The following MAGOH variants were observed in gnomAD, a reference collection of about 807,000 sequenced individuals.
MAGOH encodes the protein mago homolog, exon junction complex subunit.
Under a neutral mutation model 20.9 loss-of-function variants are expected in MAGOH, and 3 were observed. The observed-to-expected ratio is 0.14, with a 90% CI of 0.07 to 0.37. The LOEUF (loss-of-function observed/expected upper bound fraction) is 0.37, where lower values mean the gene tolerates loss of function less well. MAGOH is among the 10% of genes least tolerant of loss of function. The pLI, the probability that MAGOH is intolerant of heterozygous loss-of-function variation, is 1.00. For synonymous variants in MAGOH, 51 were observed against 61.0 expected (o/e 0.84, Z 0.76); for missense variants, 66 against 178.1 (o/e 0.37, Z 3.58).
rs766433562 is a variant in MAGOH, at chr1:53,227,192, C to G, written c.342-48G>C. 8.8e-6 allele frequency: 9 copies of G among 1,018,582 alleles called. No individual in the cohort carries two copies. The South Asian group carries it at 1.4e-4, about 16-fold the overall frequency. 63.1% of individuals were successfully genotyped at this position (1,018,582 alleles called of 1,614,324 possible). A position where few individuals can be genotyped will look rare whatever the true frequency, so the allele number is the denominator to read the frequency against. On this transcript the variant is annotated intron_variant, in intron 4 of 4. Coordinates refer to ENST00000371470, the MANE Select transcript of MAGOH (RefSeq NM_002370.4). ...TTTAGGCATTAAAACTTTGACCCAT[C>G]AAGTGTCCCTAAAAAGGAAAAGACT...
chr1:53,229,370 T>C (rs986990004), intron 3 of MAGOH, among the ~76,000 whole-genome samples: 1 of 152,094 alleles, frequency 6.6e-6, no homozygotes, highest in African/African-American at 2.4e-5. Flanking sequence ...GGCTAATTTT[T>C]TTTGTATTTT....
At chr1:53,238,335 C>G in intron 1 of MAGOH, 26 bp downstream of exon 1, 1 of 1,612,950 alleles carries the variant, frequency 6.2e-7, no homozygotes, top group Non-Finnish European at 8.5e-7. Flanking sequence ...GGTCCCCGCT[C>G]CCGGCGGGCG....
At position 53,228,901 on chromosome 1, in the gene MAGOH, A is replaced by G; in HGVS notation, c.312T>C (p.Ile104=). ...ATTGATTGACATCAATAAGGGAACCAATTTTTGATGTTGTAAAAGAAATGT... is the reference window on the plus strand; with the variant it reads ...ATTGATTGACATCAATAAGGGAACCGATTTTTGATGTTGTAAAAGAAATGT... The part of the protein sequence containing the change: ...DEHISFTTSK[I]GSLIDVNQSK... Residue 104 remains isoleucine (I), a synonymous_variant, in exon 4 of 5, where the codon ATT becomes ATC. Transcript: ENST00000371470. 6.2e-7 allele frequency: 1 copy of G among 1,612,938 alleles called. No individual in the cohort carries two copies. The highest frequency in any genetic ancestry group is 8.5e-7 in the Non-Finnish European group (1 of 1,178,948).
In MAGOH at chr1:53,232,569, G is replaced by A. The variant is rs186267792; in HGVS notation, c.258+973C>T. ...GTGACTTTTGAAGACCTCAATAATA[G>A]AGACAGTCTTGTATAAAGTTAAAGG... is the stretch of plus-strand genomic sequence containing the variant. On this transcript the variant is annotated intron_variant, in intron 3 of 4. Transcript: ENST00000371470. Among the ~76,000 whole-genome samples the A allele has an allele frequency of 3.6e-3, 551 of 152,334 alleles. 4 individuals carry two copies. Among genetic ancestry groups the A allele is most frequent in the African/African-American group, 0.013 (530 of 41,586 alleles).
Position 53,226,911 on chromosome 1 carries a change from A to G in MAGOH, c.*134T>C. 1.6e-6 allele frequency: 1 copy of G among 609,788 alleles called. No homozygotes were observed. 37.8% of individuals were successfully genotyped at this position (609,788 alleles called of 1,614,324 possible). On this transcript the variant is annotated 3_prime_UTR_variant, in exon 5 of 5. Transcript: ENST00000371470. ...GAAGAGTTCACATGTTCAGGTCTTT[A>G]TAAAATAATAAAAATTGGATTTTAT...
In MAGOH at chr1:53,237,660, G is replaced by A. The variant is rs192458458; in HGVS notation, c.88+701C>T. Reference sequence around the variant, plus strand: ...TTGCACTCCAGCCTGGGCAAAAAGAGCGAAAGCCGTCTCAAAAAAAAAAAA... The same window carrying A: ...TTGCACTCCAGCCTGGGCAAAAAGAACGAAAGCCGTCTCAAAAAAAAAAAA... On this transcript the variant is annotated intron_variant, in intron 1 of 4. Coordinates refer to ENST00000371470, the MANE Select transcript of MAGOH (RefSeq NM_002370.4). Among the ~76,000 whole-genome samples, 273 of 78,530 alleles carry A rather than the reference G, an allele frequency of 3.5e-3. 3 individuals are homozygous for A. The highest frequency in any genetic ancestry group is 5.7e-3 in the Non-Finnish European group (193 of 33,612). The allele number at this position is 78,530 out of a possible 152,430, so 51.5% of individuals were successfully genotyped here.
At chr1:53,237,196 AC>A (rs1272808984) in intron 1 of MAGOH, among the ~76,000 whole-genome samples, 2 of 149,032 alleles carry the variant, frequency 1.3e-5, no homozygotes, top group African/African-American at 5.0e-5. Context: ...TGATCCGCAT[AC>A]CTCGGCCTCC....
intron 2 of MAGOH, among the ~76,000 whole-genome samples, chr1:53,234,761 CAT>C (rs1396866663): frequency 6.6e-6 from 1 of 152,074 alleles, no homozygotes; most frequent in Non-Finnish European, 1.5e-5. Flanking sequence ...AGGATATTGA[CAT>C]GTGTGAATAA....
intron 3 of MAGOH, chr1:53,233,273 TTA>T: frequency 3.6e-6 from 1 of 274,366 alleles, no homozygotes; most frequent in South Asian, 9.0e-5. Flanking sequence ...CTTTTATTTT[TTA>T]GTTACCAAAA....
rs769561387 is a variant in MAGOH at position 53,227,163 on chromosome 1, A to G, written c.342-19T>C. On this transcript the variant is annotated intron_variant, in intron 4 of 4. Coordinates refer to ENST00000371470, the MANE Select transcript of MAGOH (RefSeq NM_002370.4). ...TGGATCCCTAAAATACAAAAGGAAAAAAGTTTAGGCATTAAAACTTTGACC... is the reference window on the plus strand; with the variant it reads ...TGGATCCCTAAAATACAAAAGGAAAGAAGTTTAGGCATTAAAACTTTGACC... The G allele has an allele frequency of 6.8e-7, 1 of 1,474,918 alleles. No homozygotes were observed. Among genetic ancestry groups the G allele is most frequent in the Non-Finnish European group, 9.3e-7 (1 of 1,077,712 alleles). The allele number at this position is 1,474,918 out of a possible 1,614,324, so 91.4% of individuals were successfully genotyped here.
chr1:53,235,442 C>A, intron 2 of MAGOH, 135 bp downstream of exon 2: 13 of 708,608 alleles, frequency 1.8e-5, no homozygotes, highest in South Asian at 3.8e-5. Flanking sequence ...GGAAATAATC[C>A]AGAAGCTGTC....
chr1:53,231,627 A>G (rs1354347348), intron 3 of MAGOH, among the ~76,000 whole-genome samples: 1 of 152,092 alleles, frequency 6.6e-6, no homozygotes, highest in Non-Finnish European at 1.5e-5. Flanking sequence ...CCATATATTC[A>G]TAGGTTGGTT....
At chr1:53,237,163 G>A (rs1645614911) in intron 1 of MAGOH, among the ~76,000 whole-genome samples, 1 of 149,968 alleles carries the variant, frequency 6.7e-6, no homozygotes, top group African/African-American at 2.5e-5. Flanking sequence ...TGGCCAGGCT[G>A]GTCTTGAACT....
At chr1:53,227,182 T>G (rs767744033) in intron 4 of MAGOH, 38 bp from the exon 5 acceptor site, 39 of 1,217,860 alleles carry the variant, frequency 3.2e-5, no homozygotes, top group Non-Finnish European at 4.3e-5. Context: ...GCATTAAAAC[T>G]TTGACCCATC....
chr1:53,234,449 T>C (rs1326285173), intron 2 of MAGOH, among the ~76,000 whole-genome samples: 5 of 150,342 alleles, frequency 3.3e-5, no homozygotes, highest in Admixed American at 2.0e-4. Context: ...TCTCGGCTCA[T>C]TGCGAACTCT....
At chr1:53,237,418 T>C (rs1645617465) in intron 1 of MAGOH, among the ~76,000 whole-genome samples, 2 of 150,810 alleles carry the variant, frequency 1.3e-5, no homozygotes, top group Admixed American at 1.3e-4. Flanking sequence ...CTCACACCTG[T>C]AATCCCAGCA....
intron 2 of MAGOH, chr1:53,234,056 C>T (rs1033375042): frequency 5.7e-6 from 1 of 174,126 alleles, no homozygotes; most frequent in African/African-American, 2.4e-5. Context: ...AGGAGGTGAT[C>T]AGGCCTTGAG....
At chr1:53,229,686 A>G (rs942007097) in intron 3 of MAGOH, among the ~76,000 whole-genome samples, 1 of 152,204 alleles carries the variant, frequency 6.6e-6, no homozygotes, top group African/African-American at 2.4e-5. Flanking sequence ...TGGGAGGCCA[A>G]TGCAGGAGAA....
At chr1:53,231,418 C>T (rs529728123) in intron 3 of MAGOH, among the ~76,000 whole-genome samples, 1 of 152,302 alleles carries the variant, frequency 6.6e-6, no homozygotes, top group East Asian at 1.9e-4. Context: ...AATCTTACCC[C>T]TTAAGGAGTT....
Sources: allele counts gnomAD v4.1 joint callset (sites outside exome capture counted in the v4.1 genomes callset), GRCh38; gene constraint gnomAD v4.1.1; transcripts MANE v1.5; gene names NCBI Gene and HGNC (gene_info 2026-07-23, HGNC 2026-07-21).